ANKFN1: variants seen among roughly 807,000 people sequenced by gnomAD.
ANKFN1 encodes the protein ankyrin repeat and fibronectin type III domain containing 1.
A neutral mutation model predicts 108.7 loss-of-function variants in ANKFN1; 74 were observed. The observed-to-expected ratio is 0.68, with a 90% CI of 0.56 to 0.83. The LOEUF (loss-of-function observed/expected upper bound fraction) is 0.83. ANKFN1 is among the 40% of genes least tolerant of loss of function. The probability of loss-of-function intolerance (pLI) is 0.00; values close to 1 mark genes in which losing one functional copy is unlikely to be tolerated. For synonymous variants in ANKFN1, 547 were observed against 516.2 expected, an observed-to-expected ratio of 1.06 and a Z score of -0.81; for missense variants, 1,505 against 1,382.3, an observed-to-expected ratio of 1.09 and a Z score of -1.41.
chr17:56,210,355 A>G (rs1914891403), intron 1 of ANKFN1, among the ~76,000 whole-genome samples: 1 of 152,178 alleles, frequency 6.6e-6, no homozygotes, highest in African/African-American at 2.4e-5. Flanking sequence ...ATTCCCACCA[A>G]CAGTGTAAAT....
intron 11 of ANKFN1, among the ~76,000 whole-genome samples, chr17:56,454,409 C>A (rs1170443937): frequency 6.6e-6 from 1 of 152,174 alleles, no homozygotes; most frequent in African/African-American, 2.4e-5. Context: ...TTTCTTTCCT[C>A]AGAATAATCT....
intron 8 of ANKFN1, among the ~76,000 whole-genome samples, chr17:56,375,665 A>G (rs1305184654): frequency 6.6e-6 from 1 of 152,190 alleles, no homozygotes; most frequent in Non-Finnish European, 1.5e-5. Flanking sequence ...TTCAAGAGGG[A>G]GGTCATGATA....
At chr17:56,338,893 G>A (rs1188176233) in intron 4 of ANKFN1, among the ~76,000 whole-genome samples, 1 of 152,020 alleles carries the variant, frequency 6.6e-6, no homozygotes, top group Non-Finnish European at 1.5e-5. Context: ...TTTCTGTAAT[G>A]CAGAGGAAAT....
intron 4 of ANKFN1, among the ~76,000 whole-genome samples, chr17:56,141,685 G>C (rs1907926138): frequency 2.0e-5 from 3 of 152,042 alleles, no homozygotes; most frequent in South Asian, 4.1e-4. Flanking sequence ...GGGGGGTGGG[G>C]GAGCAGGAAT....
chr17:56,109,169 GAGCTTATGTC>G (rs1944169279), intron 4 of ANKFN1, among the ~76,000 whole-genome samples: 2 of 152,302 alleles, frequency 1.3e-5, no homozygotes, highest in Admixed American at 1.3e-4. Flanking sequence ...CAGTCAGAAT[GAGCTTATGTC>G]AGAGTAACAG....
chr17:56,098,575 A>G (rs1905578698), intron 4 of ANKFN1, among the ~76,000 whole-genome samples: 4 of 152,316 alleles, frequency 2.6e-5, no homozygotes, highest in Middle Eastern at 3.4e-3. Flanking sequence ...CGTAAGCTCC[A>G]TAAGGGCAGG....
intron 4 of ANKFN1, among the ~76,000 whole-genome samples, chr17:56,117,848 C>T (rs1428241344): frequency 2.6e-5 from 4 of 152,050 alleles, no homozygotes; most frequent in Non-Finnish European, 5.9e-5. Flanking sequence ...CTTCATCACC[C>T]CAAAAAGAAA....
intron 3 of ANKFN1, among the ~76,000 whole-genome samples, chr17:56,254,911 A>G (rs1301399677): frequency 6.6e-6 from 1 of 152,164 alleles, no homozygotes; most frequent in Non-Finnish European, 1.5e-5. Flanking sequence ...AGACACAAAG[A>G]ACCCTGCTCT....
chr17:56,179,953 G>A (rs1911530537), intron 1 of ANKFN1, among the ~76,000 whole-genome samples: 2 of 152,146 alleles, frequency 1.3e-5, no homozygotes, highest in Admixed American at 1.3e-4. Flanking sequence ...TCATCTCATA[G>A]CTTGATGTCT....
intron 8 of ANKFN1, among the ~76,000 whole-genome samples, chr17:56,423,494 A>G (rs982321948): frequency 2.0e-5 from 3 of 152,222 alleles, no homozygotes; most frequent in South Asian, 2.1e-4. Context: ...TCCCTTGCTC[A>G]TAAACCTTCA....
chr17:56,101,509 T>C (rs779661053), intron 4 of ANKFN1, among the ~76,000 whole-genome samples: 1 of 152,344 alleles, frequency 6.6e-6, no homozygotes, highest in South Asian at 2.1e-4. Context: ...TAATGAAGTA[T>C]TTCTTAGCAT....
intron 8 of ANKFN1, among the ~76,000 whole-genome samples, chr17:56,397,525 T>C (rs537184895): frequency 2.0e-5 from 3 of 152,366 alleles, no homozygotes; most frequent in Admixed American, 6.5e-5. Flanking sequence ...TTTACTACAA[T>C]GACTGATGAA....
At position 56,477,574 on chromosome 17, in the gene ANKFN1, T is replaced by G; in HGVS notation, c.1860T>G (p.Asp620Glu). 6.2e-7 allele frequency: 1 copy of G among 1,613,684 alleles called. No homozygotes were observed. The highest frequency in any genetic ancestry group is 8.5e-7 in the Non-Finnish European group (1 of 1,179,796). ...LGYLKLCSSVDQIKVLVTQKL... is the reference protein window; with the variant it reads ...LGYLKLCSSVEQIKVLVTQKL... ...ACCTAAAGCTCTGTAGCTCTGTGGA[T>G]CAAATCAAAGTTCTTGTTACCCAAA... is the stretch of plus-strand genomic sequence containing the variant. The change falls in exon 16 of 21, where the codon GAT (aspartate) becomes GAG (glutamate). Residue 620 changes from aspartate (D) to glutamate (E), a missense_variant. Physicochemically the swap from Asp to Glu is conservative, Grantham distance 45 (BLOSUM62 2). Coordinates refer to ENST00000682825, the MANE Select transcript of ANKFN1 (RefSeq NM_001370326.1).
chr17:56,049,479 G>T (rs1904736960), intron 4 of ANKFN1, among the ~76,000 whole-genome samples: 1 of 151,648 alleles, frequency 6.6e-6, no homozygotes, highest in Admixed American at 6.6e-5. Flanking sequence ...CCATGCTGGT[G>T]CGCTGCACCC....
At chr17:56,356,103 A>G (rs576468023) in intron 6 of ANKFN1, among the ~76,000 whole-genome samples, 1 of 152,230 alleles carries the variant, frequency 6.6e-6, no homozygotes, top group South Asian at 2.1e-4. Context: ...AGCTGATAGT[A>G]CTTGGGGAAG....
Position 56,345,855 on chromosome 17 carries a change from G to A in ANKFN1, c.189-4911G>A, listed in dbSNP as rs545950456. Among the ~76,000 whole-genome samples the A allele has an allele frequency of 1.8e-3, 280 of 152,284 alleles. 1 individual carries two copies. Among genetic ancestry groups the A allele is most frequent in the Admixed American group, 3.8e-3 (58 of 15,286 alleles). ...CTCTAGGTTGCCTCTTCACTCTGAT[G>A]ATAGTTTCTTTTGCTGTGCGGAAGC... On this transcript the variant is annotated intron_variant, in intron 4 of 20. Coordinates refer to ENST00000682825, the MANE Select transcript of ANKFN1 (RefSeq NM_001370326.1).
At chr17:56,055,454 TG>T (rs1384218680) in intron 4 of ANKFN1, among the ~76,000 whole-genome samples, 2 of 149,448 alleles carry the variant, frequency 1.3e-5, no homozygotes. Flanking sequence ...TGTGTGTGTG[TG>T]TGTATTATTC....
rs60409080 is a variant in ANKFN1, at chr17:56,275,015, A to G, written c.53+47058A>G. On this transcript the variant is annotated intron_variant, in intron 3 of 20. Coordinates refer to ENST00000682825, the MANE Select transcript of ANKFN1 (RefSeq NM_001370326.1). ...TAAAAAGAATTAAGTGAGCTAATGC[A>G]TGGAACCTGTTTAGGGCCATGCTTG... is the stretch of plus-strand genomic sequence containing the variant. Among the ~76,000 whole-genome samples, 541 of 152,314 alleles carry G rather than the reference A, an allele frequency of 3.6e-3. 2 individuals are homozygous for G. The highest frequency in any genetic ancestry group is 0.012 in the African/African-American group (507 of 41,574).
chr17:56,475,439 G>A (rs2050465773), intron 15 of ANKFN1, among the ~76,000 whole-genome samples: 1 of 152,110 alleles, frequency 6.6e-6, no homozygotes, highest in Admixed American at 6.6e-5. Flanking sequence ...GTTGCAGATG[G>A]TTAATTCTAC....
Sources: gnomAD v4.1 joint callset for allele counts (sites outside exome capture counted in the v4.1 genomes callset) on GRCh38, gnomAD v4.1.1 for gene constraint, MANE v1.5 for transcripts, NCBI Gene and HGNC (gene_info 2026-07-23, HGNC 2026-07-21) for gene names.